Variants in PPP2R2B observed in about 807,000 individuals in gnomAD.
PPP2R2B encodes the protein protein phosphatase 2 regulatory subunit Bbeta.
A neutral mutation model predicts 46.0 loss-of-function variants in PPP2R2B; 5 were observed. The ratio of observed to expected loss-of-function variants is 0.11; its 90% CI spans 0.06 to 0.23. The LOEUF (loss-of-function observed/expected upper bound fraction) is 0.23. Among genes scored for constraint, PPP2R2B ranks in the 10% least tolerant of loss-of-function variants. The pLI, the probability that PPP2R2B is intolerant of heterozygous loss-of-function variation, is 1.00. For synonymous variants in PPP2R2B, 215 were observed against 206.7 expected (o/e 1.04, Z -0.34); for missense variants, 367 against 575.0 (o/e 0.64, Z 3.70).
intron 2 of PPP2R2B, among the ~76,000 whole-genome samples, chr5:146,702,542 C>T (rs1482662069): frequency 1.3e-5 from 2 of 152,222 alleles, no homozygotes; most frequent in African/African-American, 4.8e-5. Context: ...AGAGGCTATT[C>T]AGCTTAAGCT....
chr5:146,864,968 T>A (rs1248736298), intron 2 of PPP2R2B, among the ~76,000 whole-genome samples: 1 of 152,168 alleles, frequency 6.6e-6, no homozygotes, highest in African/African-American at 2.4e-5. Flanking sequence ...TTTAGTCCTA[T>A]CATCTAGAAA....
chr5:146,595,781 A>T (rs184394035), intron 8 of PPP2R2B, among the ~76,000 whole-genome samples: 1 of 152,334 alleles, frequency 6.6e-6, no homozygotes, highest in East Asian at 1.9e-4. Context: ...TTGGAGCAAG[A>T]GAGAACTTAA....
chr5:146,693,771 G>C (rs1424837750), intron 4 of PPP2R2B, among the ~76,000 whole-genome samples: 2 of 152,156 alleles, frequency 1.3e-5, no homozygotes, highest in Admixed American at 6.5e-5. Context: ...ACAGTATTAG[G>C]CTTCTAATAA....
intron 2 of PPP2R2B, among the ~76,000 whole-genome samples, chr5:146,832,377 AT>A (rs1758998989): frequency 9.6e-6 from 1 of 104,298 alleles, no homozygotes; most frequent in African/African-American, 3.6e-5. Context: ...GCCATTTTTA[AT>A]CTTTTTTTTT....
At chr5:146,933,525 A>G (rs1010404440) in intron 1 of PPP2R2B, among the ~76,000 whole-genome samples, 2 of 152,140 alleles carry the variant, frequency 1.3e-5, no homozygotes, top group African/African-American at 4.8e-5. Flanking sequence ...CCTATTATCA[A>G]CCACACTTGG....
chr5:146,727,630 T>C (rs1236256700), intron 2 of PPP2R2B, among the ~76,000 whole-genome samples: 1 of 152,042 alleles, frequency 6.6e-6, no homozygotes, highest in East Asian at 1.9e-4. Context: ...ATGCAATAGA[T>C]CCATGGAACA....
At chr5:146,681,153 T>A (rs561852071) in intron 5 of PPP2R2B, among the ~76,000 whole-genome samples, 5 of 152,208 alleles carry the variant, frequency 3.3e-5, no homozygotes, top group Non-Finnish European at 5.9e-5. Context: ...CCATTTGCAC[T>A]AATTATTTTC....
intron 2 of PPP2R2B, among the ~76,000 whole-genome samples, chr5:146,816,326 G>T (rs562195066): frequency 1.3e-5 from 2 of 152,206 alleles, no homozygotes; most frequent in Non-Finnish European, 2.9e-5. Flanking sequence ...CTTGAGCCCA[G>T]GAGGCTGAGG....
intron 1 of PPP2R2B, among the ~76,000 whole-genome samples, chr5:146,910,449 T>G (rs1303064236): frequency 1.3e-5 from 2 of 152,208 alleles, no homozygotes; most frequent in Non-Finnish European, 1.5e-5. Context: ...GGAGAGCACA[T>G]GTACAAACAT....
chr5:146,880,046 T>C (rs1326080848), upstream of PPP2R2B, among the ~76,000 whole-genome samples: 4 of 152,214 alleles, frequency 2.6e-5, no homozygotes, highest in African/African-American at 9.7e-5. Flanking sequence ...TTAACTGAGG[T>C]TGGGAATTGT....
chr5:146,710,629 G>C (rs1270415620), intron 2 of PPP2R2B, among the ~76,000 whole-genome samples: 1 of 152,202 alleles, frequency 6.6e-6, no homozygotes, highest in East Asian at 1.9e-4. Flanking sequence ...CTGCTGTCAA[G>C]GTGTTTACCA....
At chr5:146,962,756 C>T (rs2151842906) in intron 1 of PPP2R2B, among the ~76,000 whole-genome samples, 1 of 152,298 alleles carries the variant, frequency 6.6e-6, no homozygotes, top group South Asian at 2.1e-4. Context: ...ATTTGATTCT[C>T]ATCACCCTCA....
intron 2 of PPP2R2B, among the ~76,000 whole-genome samples, chr5:146,729,915 C>A (rs1257556139): frequency 6.6e-6 from 1 of 152,262 alleles, no homozygotes; most frequent in Admixed American, 6.5e-5. Flanking sequence ...AGCCCCCACA[C>A]AGAGTCCCTA....
chr5:146,690,790 A>T (rs754140690), intron 5 of PPP2R2B, among the ~76,000 whole-genome samples: 16 of 152,236 alleles, frequency 1.1e-4, no homozygotes, highest in Non-Finnish European at 1.5e-5. Context: ...GCAACTCGCC[A>T]TCTGGATTCT....
chr5:146,933,286 T>C (rs937795474), intron 1 of PPP2R2B, among the ~76,000 whole-genome samples: 111 of 152,268 alleles, frequency 7.3e-4, no homozygotes, highest in African/African-American at 2.6e-3. Flanking sequence ...ATATCCTGGA[T>C]AAACGCCCAA....
At chr5:146,789,186 G>A (rs1756035453) in intron 2 of PPP2R2B, among the ~76,000 whole-genome samples, 1 of 152,148 alleles carries the variant, frequency 6.6e-6, no homozygotes, top group Non-Finnish European at 1.5e-5. Context: ...CTTGACAAAA[G>A]AGTAGGAAGG....
intron 5 of PPP2R2B, among the ~76,000 whole-genome samples, chr5:146,652,737 T>C (rs942334925): frequency 6.8e-5 from 10 of 146,720 alleles, no homozygotes; most frequent in African/African-American, 2.5e-4. Context: ...GGAGATGAGG[T>C]GACAGGCTAG....
chr5:146,955,313 A>G (rs995454079), intron 1 of PPP2R2B, among the ~76,000 whole-genome samples: 2 of 152,214 alleles, frequency 1.3e-5, no homozygotes, highest in Admixed American at 6.5e-5. Flanking sequence ...GTTAAATTAT[A>G]AATATTGATT....
intron 1 of PPP2R2B, among the ~76,000 whole-genome samples, chr5:146,918,964 A>G (rs1473933787): frequency 6.6e-6 from 1 of 152,200 alleles, no homozygotes; most frequent in Non-Finnish European, 1.5e-5. Context: ...CTACTAATTC[A>G]CAGTTGTTTC....
Sources: gnomAD v4.1 joint callset for allele counts (sites outside exome capture counted in the v4.1 genomes callset) on GRCh38, gnomAD v4.1.1 for gene constraint, MANE v1.5 for transcripts, NCBI Gene and HGNC (gene_info 2026-07-23, HGNC 2026-07-21) for gene names.